Variants in CADPS observed in about 807,000 individuals in gnomAD.
CADPS encodes the protein calcium dependent secretion activator.
A neutral mutation model predicts 167.3 loss-of-function variants in CADPS; 57 were observed. The observed-to-expected ratio is 0.34, with a 90% CI of 0.28 to 0.42. The LOEUF (loss-of-function observed/expected upper bound fraction) is 0.42. Ranked by LOEUF, CADPS falls within the 20% of genes least tolerant of loss-of-function variation. The pLI is 1.00. For synonymous variants in CADPS, 676 were observed against 635.3 expected (o/e 1.06, Z -0.96); for missense variants, 1,414 against 1,738.1 (o/e 0.81, Z 3.32).
At chr3:62,732,591 A>T (rs2078136357) in intron 3 of CADPS, among the ~76,000 whole-genome samples, 1 of 152,368 alleles carries the variant, frequency 6.6e-6, no homozygotes, top group East Asian at 1.9e-4. Flanking sequence ...GTTACACGAC[A>T]AGAGACAATA....
At chr3:62,687,984 T>C (rs2078397898) in intron 3 of CADPS, among the ~76,000 whole-genome samples, 1 of 152,054 alleles carries the variant, frequency 6.6e-6, no homozygotes, top group Admixed American at 6.6e-5. Context: ...CCTTTCATCA[T>C]TTATTCAACA....
Position 62,874,847 on chromosome 3 carries a change from T to G in CADPS, c.183A>C (p.Ala61=). The G allele has an allele frequency of 9.4e-7, 1 of 1,060,654 alleles. No individual in the cohort carries two copies. The highest frequency in any genetic ancestry group is 4.3e-5 in the South Asian group (1 of 23,212). The allele number at this position is 1,060,654 out of a possible 1,614,324, so 65.7% of individuals were successfully genotyped here. A position where few individuals can be genotyped will look rare whatever the true frequency, so the allele number is the denominator to read the frequency against. ...TCGCGCCGCTGCCCCCGCCGCCGCCTGCACCCACCCCGGCTCCGGCGCCGG... is the reference window on the plus strand; with the variant it reads ...TCGCGCCGCTGCCCCCGCCGCCGCCGGCACCCACCCCGGCTCCGGCGCCGG... ...GGAGAGAGVG[A]GGGGGSGASS... is the part of the protein sequence containing the mutation. The change falls in exon 1 of 30, where the codon GCA becomes GCC. Residue 61 remains alanine, a synonymous_variant. Transcript: ENST00000383710. The surrounding 1 kb of genome is among the most constrained non-coding windows in gnomAD (Gnocchi z 7.1).
At chr3:62,509,490 T>C (rs930211805) in intron 17 of CADPS, among the ~76,000 whole-genome samples, 6 of 152,032 alleles carry the variant, frequency 3.9e-5, no homozygotes, top group Non-Finnish European at 5.9e-5. Flanking sequence ...TTTGCCAGCT[T>C]GGTTCTCTTT....
intron 6 of CADPS, among the ~76,000 whole-genome samples, chr3:62,627,519 A>C (rs1429700276): frequency 6.6e-6 from 1 of 152,194 alleles, no homozygotes; most frequent in Non-Finnish European, 1.5e-5. Flanking sequence ...AGAGACATCA[A>C]CTATATTGGT....
At chr3:62,531,492 C>T (rs547195818) in intron 13 of CADPS, among the ~76,000 whole-genome samples, 8 of 152,146 alleles carry the variant, frequency 5.3e-5, no homozygotes, top group South Asian at 4.2e-4. Context: ...AGTTGCATTT[C>T]GTAAAAATAC....
intron 2 of CADPS, among the ~76,000 whole-genome samples, chr3:62,759,001 A>G (rs2084699428): frequency 6.6e-6 from 1 of 152,244 alleles, no homozygotes; most frequent in South Asian, 2.1e-4. Flanking sequence ...TATAAATAAG[A>G]AAAACATCTA....
Position 62,474,163 on chromosome 3 carries a change from T to TTTTTTTTTTTTTTTTTC in CADPS, c.3477+9_3477+10insGAAAAAAAAAAAAAAAA. On this transcript the variant is annotated intron_variant, in intron 24 of 29. Coordinates refer to ENST00000383710, the MANE Select transcript of CADPS (RefSeq NM_003716.4). ...GAAAAAAAAATCTGTATTTTTTTTT[T>TTTTTTTTTTTTTTTTTC]TTTTTTTACCTCTTGGCCCATTTCC... The TTTTTTTTTTTTTTTTTC allele has an allele frequency of 7.1e-7, 1 of 1,402,002 alleles. No homozygotes were observed. Among genetic ancestry groups the TTTTTTTTTTTTTTTTTC allele is most frequent in the African/African-American group, 1.6e-5 (1 of 64,370 alleles). 86.8% of individuals were successfully genotyped at this position (1,402,002 alleles called of 1,614,324 possible). A position where few individuals can be genotyped will look rare whatever the true frequency, so the allele number is the denominator to read the frequency against.
chr3:62,690,869 C>T (rs1282037759), intron 3 of CADPS, among the ~76,000 whole-genome samples: 1 of 151,976 alleles, frequency 6.6e-6, no homozygotes, highest in Non-Finnish European at 1.5e-5. Context: ...ACACACAAAC[C>T]TGTACACAGA....
intron 4 of CADPS, among the ~76,000 whole-genome samples, chr3:62,657,856 G>A (rs1243398785): frequency 6.6e-6 from 1 of 152,108 alleles, no homozygotes; most frequent in East Asian, 1.9e-4. Context: ...AATATGTGAT[G>A]ATGAGAATGC....
At position 62,478,534 on chromosome 3, in the gene CADPS, G is replaced by C. The variant is rs1368404322; in HGVS notation, c.3174-118C>G. The C allele has an allele frequency of 1.1e-6, 1 of 923,308 alleles. No individual in the cohort carries two copies. Among genetic ancestry groups the C allele is most frequent in the Non-Finnish European group, 1.6e-6 (1 of 614,728 alleles). 57.2% of individuals were successfully genotyped at this position (923,308 alleles called of 1,614,324 possible). A position where few individuals can be genotyped will look rare whatever the true frequency, so the allele number is the denominator to read the frequency against. On this transcript the variant is annotated intron_variant, in intron 22 of 29. Transcript: ENST00000383710. This position sits in a 1 kb window ranked among gnomAD's most constrained non-coding sequence, Gnocchi z 5.7. ...CAGCAGCTTCAACATACAAAACAAC[G>C]TGTGTTGGCGGTGGAGGCGGGGGCG...
At chr3:62,842,688 A>T (rs1340426101) in intron 1 of CADPS, among the ~76,000 whole-genome samples, 1 of 152,152 alleles carries the variant, frequency 6.6e-6, no homozygotes, top group African/African-American at 2.4e-5. Context: ...GGCAGAGAGG[A>T]AGTTTTATTG....
chr3:62,524,965 C>T (rs939944296), intron 13 of CADPS, among the ~76,000 whole-genome samples: 2 of 152,120 alleles, frequency 1.3e-5, no homozygotes, highest in African/African-American at 4.8e-5. Flanking sequence ...TTTCTGAAGA[C>T]ACCATATACA....
chr3:62,407,230 G>T (rs997745110), intron 28 of CADPS, among the ~76,000 whole-genome samples: 2 of 152,076 alleles, frequency 1.3e-5, no homozygotes, highest in African/African-American at 4.8e-5. Context: ...GGAGAAAGTG[G>T]AACACGTTAC....
In CADPS at chr3:62,455,885, A is replaced by G. The variant is rs2058634255; in HGVS notation, c.3636+9482T>C. Among the ~76,000 whole-genome samples, 1 of 152,116 alleles carries G rather than the reference A, an allele frequency of 6.6e-6. No homozygotes were observed. Among genetic ancestry groups the G allele is most frequent in the Non-Finnish European group, 1.5e-5 (1 of 68,030 alleles). On this transcript the variant is annotated intron_variant, in intron 26 of 29. Transcript: ENST00000383710. The surrounding 1 kb of genome is among the most constrained non-coding windows in gnomAD (Gnocchi z 4.4). ...TCACTTGTGACCTCTGGTGTCCTTG[A>G]CTTTTCCTGCAGGCTGCTTTAGCCT...
In CADPS at chr3:62,651,098, A is replaced by G. The variant is rs1231537435; in HGVS notation, c.970-18T>C. The stretch of plus-strand genomic sequence containing the variant: ...TTGCGTTCCTTGGGAAGAAAAAGAA[A>G]AGTATGAGCAGAGGAGAAAATAGAA... On this transcript the variant is annotated intron_variant, in intron 4 of 29. Coordinates refer to ENST00000383710, the MANE Select transcript of CADPS (RefSeq NM_003716.4). 1 of 1,544,430 alleles carries G rather than the reference A, an allele frequency of 6.5e-7. No individual in the cohort carries two copies. The highest frequency in any genetic ancestry group is 1.1e-5 in the South Asian group (1 of 89,302).
chr3:62,418,247 A>AT (rs1386233308), intron 28 of CADPS, among the ~76,000 whole-genome samples: 4 of 146,464 alleles, frequency 2.7e-5, no homozygotes, highest in African/African-American at 1.0e-4. Context: ...TTTTTATTGT[A>AT]TTTTTCCTGT....
chr3:62,719,736 C>T (rs2075369092), intron 3 of CADPS, among the ~76,000 whole-genome samples: 1 of 152,200 alleles, frequency 6.6e-6, no homozygotes, highest in Non-Finnish European at 1.5e-5. Context: ...TACCATTACA[C>T]CAACTAAATG....
intron 6 of CADPS, chr3:62,625,502 C>T (rs1423084314): frequency 6.6e-6 from 1 of 150,606 alleles, no homozygotes; most frequent in South Asian, 2.1e-4. Flanking sequence ...CTCTCTGTCC[C>T]CAGTGTTTAT....
chr3:62,786,591 G>A (rs1040064049), intron 1 of CADPS, among the ~76,000 whole-genome samples: 1 of 152,120 alleles, frequency 6.6e-6, no homozygotes, highest in Non-Finnish European at 1.5e-5. Context: ...GTTAAAGTGA[G>A]CTATGATCAT....
Sources: allele counts gnomAD v4.1 joint callset (sites outside exome capture counted in the v4.1 genomes callset), GRCh38; gene constraint gnomAD v4.1.1; non-coding constraint Gnocchi (gnomAD v3.1); transcripts MANE v1.5; gene names NCBI Gene and HGNC (gene_info 2026-07-23, HGNC 2026-07-21).